The following CNKSR1 variants were observed in gnomAD, a reference collection of about 807,000 sequenced individuals.
CNKSR1 encodes CNK homolog protein 1.
CNKSR1 carries 88 observed loss-of-function variants against 95.6 expected under a neutral mutation model. The ratio of observed to expected loss-of-function variants is 0.92; its 90% confidence interval spans 0.78 to 1.10. CNKSR1 has a LOEUF of 1.10. Among genes scored for constraint, CNKSR1 ranks in the 50% least tolerant of loss-of-function variants. The pLI, the probability that CNKSR1 is intolerant of heterozygous loss-of-function variation, is 0.00. For missense variants in CNKSR1, 836 were observed against 912.0 expected, an observed-to-expected ratio of 0.92 and a Z score of 1.07; for synonymous variants, 355 against 369.7, an observed-to-expected ratio of 0.96 and a Z score of 0.46.
intron 14 of CNKSR1, chr1:26,186,866 G>A (rs1297517111): frequency 5.3e-6 from 2 of 380,454 alleles, no homozygotes; most frequent in African/African-American, 4.2e-5. Context: ...GCCTCCCAAA[G>A]TGCTGGGATT....
chr1:26,187,202 A>G lies in CNKSR1; in HGVS notation c.1343A>G (p.Asn448Ser), dbSNP rs372157215. ...EKAEGLINVS[N>S]YSLESGHDQK... is the part of the protein sequence containing the mutation. ...GCTGAGGGCCTCATCAATGTCTCCA[A>G]CTATAGTCTGGAAAGTGGACATGAT... The change falls in exon 15 of 21, where the codon AAC becomes AGC. Residue 448 changes from asparagine to serine, a missense_variant. Asn to Ser is a conservative substitution (Grantham distance 46). Transcript: ENST00000361530. 13 of 1,614,188 alleles carry G rather than the reference A, an allele frequency of 8.1e-6. No homozygotes were observed. Among genetic ancestry groups the G allele is most frequent in the Non-Finnish European group, 1.0e-5 (12 of 1,180,002 alleles).
At position 26,182,401 on chromosome 1, in the gene CNKSR1, T is replaced by C; in HGVS notation, c.518T>C (p.Ile173Thr). The change falls in exon 5 of 21, where the codon ATC (isoleucine) becomes ACC (threonine). Residue 173 changes from isoleucine (I) to threonine (T), a missense_variant and splice_region_variant. Physicochemically the swap from Ile to Thr is moderately conservative, Grantham distance 89 (BLOSUM62 -1). Transcript: ENST00000361530. ...AAEKEGTVLR[I>T]CSHVAGICHN... ...GAGAAGGAGGGCACAGTCCTGAGGATCGTGAGTCTGTGGGGTGGGAAGAGA... is the reference window on the plus strand; with the variant it reads ...GAGAAGGAGGGCACAGTCCTGAGGACCGTGAGTCTGTGGGGTGGGAAGAGA... 6.2e-7 allele frequency: 1 copy of C among 1,613,798 alleles called. No individual in the cohort carries two copies. The highest frequency in any genetic ancestry group is 1.3e-5 in the African/African-American group (1 of 74,928).
Position 26,184,106 on chromosome 1 carries a change from G to C in CNKSR1, c.891G>C (p.Arg297Ser). 1 of 1,612,054 alleles carries C rather than the reference G, an allele frequency of 6.2e-7. No individual in the cohort carries two copies. Among genetic ancestry groups the C allele is most frequent in the Non-Finnish European group, 8.5e-7 (1 of 1,179,564 alleles). Residue 297 changes from arginine to serine, a missense_variant, in exon 10 of 21, where the codon AGG (arginine) becomes AGC (serine). Physicochemically the swap from Arg to Ser is moderately radical, Grantham distance 110 (BLOSUM62 -1). Transcript: ENST00000361530. ...PPQVLDSPHQRSPSLSLAPLS... is the reference protein window; with the variant it reads ...PPQVLDSPHQSSPSLSLAPLS... ...AGGTCCTGGACTCCCCGCACCAGAG[G>C]AGCCCATCACTGTCTCTGGCCCCAC...
Position 26,189,408 on chromosome 1 carries a change from G to C in CNKSR1, c.2002G>C (p.Ala668Pro). 6.2e-7 allele frequency: 1 copy of C among 1,614,150 alleles called. No homozygotes were observed. The highest frequency in any genetic ancestry group is 8.5e-7 in the Non-Finnish European group (1 of 1,179,998). Reference sequence around the variant, plus strand: ...AGAGGGCCTGGGGGCCTGGGGAGTGGCACAGGCTGAAGGCAGCTCCCACAT... The same window carrying C: ...AGAGGGCCTGGGGGCCTGGGGAGTGCCACAGGCTGAAGGCAGCTCCCACAT... ...YSEGLGAWGV[A>P]QAEGSSHILT... is the part of the protein sequence containing the mutation. The change falls in exon 21 of 21, where the codon GCA (alanine) becomes CCA (proline). Residue 668 changes from alanine to proline, a missense_variant. Ala to Pro is a conservative substitution (Grantham distance 27). Transcript: ENST00000361530.
rs202245584 is a variant in CNKSR1, at chr1:26,177,547, C to T, written c.-1C>T. The T allele has an allele frequency of 1.2e-4, 186 of 1,614,102 alleles. No individual in the cohort carries two copies. In the East Asian group the frequency reaches 3.7e-3, roughly 32 times the overall value. On this transcript the variant is annotated 5_prime_UTR_variant, in exon 1 of 21. Transcript: ENST00000361530. ...CTGATTCGAGCTGGCAGAGCTGGGCCATGGAACCGGTAGAGACCTGGACCC... is the reference window on the plus strand; with the variant it reads ...CTGATTCGAGCTGGCAGAGCTGGGCTATGGAACCGGTAGAGACCTGGACCC...
At chr1:26,182,162 G>A (rs998517276) in intron 4 of CNKSR1, 199 bp from the exon 5 acceptor site, 7 of 702,498 alleles carry the variant, frequency 1.0e-5, no homozygotes, top group African/African-American at 3.6e-5. Context: ...GGGAGGGCAC[G>A]TGTGGTGACT....
intron 1 of CNKSR1, among the ~76,000 whole-genome samples, chr1:26,177,983 A>G (rs1010881455): frequency 6.6e-6 from 1 of 150,766 alleles, no homozygotes; most frequent in African/African-American, 2.4e-5. Context: ...AAAAAAAAAT[A>G]ATAAACTGCG....
At chr1:26,189,235 T>C (rs1254412716) in intron 20 of CNKSR1, 44 bp from the exon 21 acceptor site, 2 of 1,610,800 alleles carry the variant, frequency 1.2e-6, no homozygotes, top group Non-Finnish European at 1.7e-6. Context: ...CTCTGCCCAC[T>C]TCCCTGGGTG....
intron 1 of CNKSR1, among the ~76,000 whole-genome samples, chr1:26,178,774 A>G (rs2783633): frequency 0.41 from 62,529 of 152,136 alleles, 14,662 homozygotes; most frequent in East Asian, 0.65. Context: ...ATCATGACAT[A>G]GTTCATTTGT....
At chr1:26,183,991 T>C in intron 9 of CNKSR1, 80 bp from the exon 10 acceptor site, 1 of 743,318 alleles carries the variant, frequency 1.3e-6, no homozygotes, top group Non-Finnish European at 2.3e-6. Flanking sequence ...TACCTGCTCC[T>C]GCTGCTCCCC....
In CNKSR1 at chr1:26,188,297, C is replaced by A. The variant is rs2088792670; in HGVS notation, c.1518C>A (p.Pro506=). The part of the protein sequence containing the change: ...KYQSPGRAPP[P]REEDCYSETE... ...AGTCTCCAGGCCGGGCCCCCCCACC[C>A]CGAGAGGAAGGTAGGTGTCTCGCAG... Residue 506 remains proline, a synonymous_variant, in exon 17 of 21, where the codon CCC becomes CCA. Transcript: ENST00000361530. 1.2e-6 allele frequency: 2 copies of A among 1,614,000 alleles called. No individual in the cohort carries two copies. The highest frequency in any genetic ancestry group is 1.7e-6 in the Non-Finnish European group (2 of 1,180,030).
chr1:26,184,222 C>T lies in CNKSR1; in HGVS notation c.935C>T (p.Ser312Phe), dbSNP rs1240115240. Residue 312 changes from serine (S) to phenylalanine (F), a missense_variant, in exon 11 of 21, where the codon TCT (serine) becomes TTT (phenylalanine). By Grantham distance (155) the Ser-to-Phe change is radical (BLOSUM62 -2). Transcript: ENST00000361530. ...SLAPLSPRAP[S>F]EDVFAFDLSS... ...CCCCTTGCCCTCCCCAGGGCCCCATCTGAAGACGTCTTTGCCTTTGACCTG... is the reference window on the plus strand; with the variant it reads ...CCCCTTGCCCTCCCCAGGGCCCCATTTGAAGACGTCTTTGCCTTTGACCTG... The T allele has an allele frequency of 6.2e-7, 1 of 1,613,500 alleles. No individual in the cohort carries two copies. Among genetic ancestry groups the T allele is most frequent in the Non-Finnish European group, 8.5e-7 (1 of 1,179,838 alleles).
intron 8 of CNKSR1, 82 bp downstream of exon 8, chr1:26,183,496 G>T (rs1435119722): frequency 1.4e-6 from 2 of 1,466,366 alleles, no homozygotes; most frequent in African/African-American, 2.8e-5. Flanking sequence ...GGCAACCAAG[G>T]GTTCTGACCA....
At position 26,182,544 on chromosome 1, in the gene CNKSR1, A is replaced by C; in HGVS notation, c.584A>C (p.Gln195Pro). Residue 195 changes from glutamine to proline, a missense_variant, in exon 6 of 21, where the codon CAG (glutamine) becomes CCG (proline). Coordinates refer to ENST00000361530, the MANE Select transcript of CNKSR1 (RefSeq NM_006314.3). ...TGCTGCCCCAAGGAGCTGCTGGAAC[A>C]GAAGGCCGTGCTCGAGCAGGTGCAG... ...LVCCPKELLE[Q>P]KAVLEQVQLD... 1 of 1,613,802 alleles carries C rather than the reference A, an allele frequency of 6.2e-7. No homozygotes were observed. The highest frequency in any genetic ancestry group is 2.2e-5 in the East Asian group (1 of 44,874).
intron 3 of CNKSR1, 21 bp downstream of exon 3, chr1:26,180,917 A>G (rs929619006): frequency 1.2e-6 from 2 of 1,613,566 alleles, no homozygotes; most frequent in Admixed American, 3.3e-5. Context: ...TGGGGTGACG[A>G]GTGAGGGACT....
intron 4 of CNKSR1, 86 bp from the exon 5 acceptor site, chr1:26,182,275 C>G (rs545535415): frequency 3.6e-6 from 5 of 1,372,030 alleles, no homozygotes; most frequent in Non-Finnish European, 5.2e-6. Context: ...AGGGACTGTA[C>G]GGAATCCCAC....
rs1045014169 is a variant in CNKSR1, at chr1:26,183,131, C to CG, written c.625-61dup. 1.4e-5 allele frequency: 20 copies of CG among 1,478,230 alleles called. No homozygotes were observed. The African/African-American group carries it at 2.8e-4, about 20-fold the overall frequency. The allele number at this position is 1,478,230 out of a possible 1,614,324, so 91.6% of individuals were successfully genotyped here. A position where few individuals can be genotyped will look rare whatever the true frequency, so the allele number is the denominator to read the frequency against. ...CCCACCATAGAGTCCTGGTGTCTGG[C>CG]GGGGGTCCTGCCTATTGGCCCTGTT... On this transcript the variant is annotated intron_variant, in intron 6 of 20. Coordinates refer to ENST00000361530, the MANE Select transcript of CNKSR1 (RefSeq NM_006314.3).
intron 14 of CNKSR1, chr1:26,186,951 G>A (rs1290954166): frequency 1.5e-5 from 8 of 529,642 alleles, no homozygotes; most frequent in Non-Finnish European, 2.7e-5. Context: ...GATATCTTTG[G>A]CTCCCCTTTC....
chr1:26,183,534 T>C (rs1022089284), intron 8 of CNKSR1, 120 bp downstream of exon 8: 4 of 1,171,752 alleles, frequency 3.4e-6, no homozygotes, highest in Non-Finnish European at 5.1e-6. Context: ...TTCCAGGAGA[T>C]GAGCCAGCTA....
Sources: allele counts gnomAD v4.1 joint callset (sites outside exome capture counted in the v4.1 genomes callset), GRCh38; gene constraint gnomAD v4.1.1; transcripts MANE v1.5; gene names NCBI Gene and HGNC (gene_info 2026-07-23, HGNC 2026-07-21).